The following STXBP5 variants were observed in gnomAD, a reference collection of about 807,000 sequenced individuals.
STXBP5 encodes syntaxin-binding protein 5.
In STXBP5, 50 loss-of-function variants were observed where a neutral mutation model predicts 152.4. That is an observed-to-expected ratio of 0.33 (90% CI 0.26 to 0.42). STXBP5 has a LOEUF of 0.42. Among genes scored for constraint, STXBP5 ranks in the 10% least tolerant of loss-of-function variants. STXBP5 has a pLI of 1.00. For synonymous variants in STXBP5, 492 were observed against 494.7 expected (o/e 0.99, Z 0.07); for missense variants, 1,167 against 1,388.6 (o/e 0.84, Z 2.54).
In STXBP5 at chr6:147,278,093, G is replaced by A; in HGVS notation, c.727G>A (p.Val243Ile). 1.9e-6 allele frequency: 3 copies of A among 1,612,230 alleles called. No individual in the cohort carries two copies. Among genetic ancestry groups the A allele is most frequent in the Non-Finnish European group, 2.5e-6 (3 of 1,178,782 alleles). The change falls in exon 8 of 28, where the codon GTT (valine) becomes ATT (isoleucine). Residue 243 changes from valine (V) to isoleucine (I), a missense_variant. Around this residue, in one of 3 missense-constraint regions of STXBP5, gnomAD observed 310 missense variants for 346.1 expected, o/e 0.90. Coordinates refer to ENST00000321680, the MANE Select transcript of STXBP5 (RefSeq NM_001127715.4). Reference sequence around the variant, plus strand: ...CATCCTTCTATAGGCTATCCACTCTGTTGCTTGGCATCATGAAGGAAAACA... The same window carrying A: ...CATCCTTCTATAGGCTATCCACTCTATTGCTTGGCATCATGAAGGAAAACA... Reference protein sequence around the residue: ...RYTYDEAIHSVAWHHEGKQFI... With the variant: ...RYTYDEAIHSIAWHHEGKQFI...
Position 147,314,611 on chromosome 6 carries a change from A to C in STXBP5, c.1377A>C (p.Ser459=). 1 of 1,609,516 alleles carries C rather than the reference A, an allele frequency of 6.2e-7. No homozygotes were observed. Among genetic ancestry groups the C allele is most frequent in the Non-Finnish European group, 8.5e-7 (1 of 1,178,296 alleles). The change falls in exon 14 of 28, where the codon TCA becomes TCC. Residue 459 remains serine, a synonymous_variant. Coordinates refer to ENST00000321680, the MANE Select transcript of STXBP5 (RefSeq NM_001127715.4). ...EIIITGHADG[S]VKFWDASAIT... Reference sequence around the variant, plus strand: ...CTTTTCTTAGGCATGCTGATGGGTCAGTTAAGTTCTGGGATGCTTCTGCAA... The same window carrying C: ...CTTTTCTTAGGCATGCTGATGGGTCCGTTAAGTTCTGGGATGCTTCTGCAA...
chr6:147,276,299 G>T (rs1780440625), intron 7 of STXBP5, among the ~76,000 whole-genome samples: 1 of 152,002 alleles, frequency 6.6e-6, no homozygotes, highest in Admixed American at 6.6e-5. Context: ...TCCATATTTG[G>T]TTATTTCTTT....
At chr6:147,323,414 G>T (rs960168738) in intron 16 of STXBP5, among the ~76,000 whole-genome samples, 2 of 149,922 alleles carry the variant, frequency 1.3e-5, no homozygotes, top group African/African-American at 2.5e-5. Context: ...TTTTGGAGAC[G>T]GAGATCTCAC....
At chr6:147,274,985 G>T (rs1468523822) in intron 7 of STXBP5, among the ~76,000 whole-genome samples, 1 of 152,120 alleles carries the variant, frequency 6.6e-6, no homozygotes, top group East Asian at 1.9e-4. Flanking sequence ...AGTATGTAGA[G>T]AATTTATTCA....
chr6:147,238,563 C>A (rs1374429194), intron 3 of STXBP5, among the ~76,000 whole-genome samples: 2 of 152,194 alleles, frequency 1.3e-5, no homozygotes, highest in Non-Finnish European at 2.9e-5. Flanking sequence ...GAACGAGCCA[C>A]TTAAATGATT....
At chr6:147,282,373 C>A (rs1008871057) in intron 8 of STXBP5, among the ~76,000 whole-genome samples, 1 of 152,134 alleles carries the variant, frequency 6.6e-6, no homozygotes, top group Non-Finnish European at 1.5e-5. Context: ...TTTTATGAGT[C>A]TCAAACATTT....
chr6:147,253,160 G>A (rs1270095321), intron 4 of STXBP5, among the ~76,000 whole-genome samples: 3 of 152,136 alleles, frequency 2.0e-5, no homozygotes, highest in African/African-American at 4.8e-5. Context: ...TTCAACATAC[G>A]CAAATCAATA....
chr6:147,230,160 G>C (rs184442100), intron 2 of STXBP5, among the ~76,000 whole-genome samples: 1 of 151,834 alleles, frequency 6.6e-6, no homozygotes, highest in Admixed American at 6.6e-5. Context: ...CATTGATCCC[G>C]TATACTTTTT....
chr6:147,220,067 AGTT>A (rs1263573788), intron 2 of STXBP5, among the ~76,000 whole-genome samples: 2 of 151,730 alleles, frequency 1.3e-5, no homozygotes, highest in African/African-American at 2.4e-5. Flanking sequence ...AATTTTGATA[AGTT>A]GTTTTCATTT....
Position 147,364,156 on chromosome 6 carries a change from A to G in STXBP5, c.3071A>G (p.Glu1024Gly). 1 of 1,611,916 alleles carries G rather than the reference A, an allele frequency of 6.2e-7. No homozygotes were observed. The highest frequency in any genetic ancestry group is 8.5e-7 in the Non-Finnish European group (1 of 1,179,300). Residue 1024 changes from glutamate to glycine, a missense_variant, in exon 25 of 28, where the codon GAA (glutamate) becomes GGA (glycine). Physicochemically the swap from Glu to Gly is moderately conservative, Grantham distance 98 (BLOSUM62 -2). Around this residue, in one of 3 missense-constraint regions of STXBP5, gnomAD observed 833 missense variants for 986.3 expected, o/e 0.84. Coordinates refer to ENST00000321680, the MANE Select transcript of STXBP5 (RefSeq NM_001127715.4). ...CTTACTTATAGTCAAGAGACCTGTG[A>G]AAATCTTCAGGTAATTAATAAAAAT... ...QRLTYSQETC[E>G]NLQEMLGELF...
At chr6:147,375,223 A>G (rs1163745171) in intron 26 of STXBP5, among the ~76,000 whole-genome samples, 2 of 152,314 alleles carry the variant, frequency 1.3e-5, no homozygotes, top group African/African-American at 2.4e-5. Context: ...GATACTTCAC[A>G]TATTGGAATT....
intron 2 of STXBP5, among the ~76,000 whole-genome samples, chr6:147,223,032 T>C (rs139743577): frequency 3.9e-5 from 6 of 152,366 alleles, no homozygotes; most frequent in African/African-American, 1.4e-4. Flanking sequence ...TTTTCTTGTG[T>C]CTCACTTCTC....
chr6:147,270,266 G>A (rs890493201), intron 7 of STXBP5, among the ~76,000 whole-genome samples: 4 of 151,830 alleles, frequency 2.6e-5, no homozygotes, highest in African/African-American at 9.7e-5. Flanking sequence ...GGGCGTGGTG[G>A]CAGGCGCCTG....
rs992883491 is a variant in STXBP5, at chr6:147,386,169, G to A, written c.*1414G>A. 21 of 151,902 alleles carry A rather than the reference G, an allele frequency of 1.4e-4. No homozygotes were observed. Among genetic ancestry groups the A allele is most frequent in the African/African-American group, 4.1e-4 (17 of 41,408 alleles). The allele number at this position is 151,902 out of a possible 1,614,324, so 9.4% of individuals were successfully genotyped here. On this transcript the variant is annotated 3_prime_UTR_variant, in exon 28 of 28. Transcript: ENST00000321680. ...GACTAATCTGAGATTATTATTGATT[G>A]TTGTTAAAGCAACCCAGCAAAAGCA...
chr6:147,350,548 A>G (rs957663145), intron 21 of STXBP5, among the ~76,000 whole-genome samples: 1 of 152,164 alleles, frequency 6.6e-6, no homozygotes, highest in African/African-American at 2.4e-5. Context: ...TTAGCCATAT[A>G]TATTTAGTTT....
At chr6:147,300,680 A>G (rs955263033) in intron 9 of STXBP5, among the ~76,000 whole-genome samples, 1 of 152,154 alleles carries the variant, frequency 6.6e-6, no homozygotes, top group African/African-American at 2.4e-5. Context: ...ACTTAAATGT[A>G]AGACCTGAAA....
At chr6:147,305,203 A>T (rs187238356) in intron 9 of STXBP5, among the ~76,000 whole-genome samples, 1 of 152,198 alleles carries the variant, frequency 6.6e-6, no homozygotes, top group Non-Finnish European at 1.5e-5. Flanking sequence ...CAGCATTTAC[A>T]TACGTATTCA....
chr6:147,327,909 G>A (rs1496034), intron 18 of STXBP5, among the ~76,000 whole-genome samples: 102,157 of 152,094 alleles, frequency 0.67, 35,616 homozygotes, highest in African/African-American at 0.87. Context: ...TGTAAGACCA[G>A]TGATTTATTG....
intron 7 of STXBP5, among the ~76,000 whole-genome samples, chr6:147,268,216 C>T (rs1271942725): frequency 3.3e-5 from 5 of 152,146 alleles, no homozygotes; most frequent in Admixed American, 6.5e-5. Context: ...TACCTCCTCC[C>T]TACTAATCTG....
Sources: allele counts gnomAD v4.1 joint callset (sites outside exome capture counted in the v4.1 genomes callset), GRCh38; gene constraint gnomAD v4.1.1; regional missense constraint gnomAD v4.1.1; transcripts MANE v1.5; gene names NCBI Gene and HGNC (gene_info 2026-07-23, HGNC 2026-07-21).